The following SLC14A1 variants were observed in gnomAD, a reference collection of about 807,000 sequenced individuals.
SLC14A1 encodes the protein urea transporter 1.
A neutral mutation model predicts 39.6 loss-of-function variants in SLC14A1; 36 were observed. The observed-to-expected ratio is 0.91, with a 90% CI of 0.70 to 1.20. SLC14A1 has a LOEUF of 1.20. Among genes scored for constraint, SLC14A1 ranks in the 50% most tolerant of loss-of-function variants. SLC14A1 has a pLI of 0.00. For missense variants in SLC14A1, 469 were observed against 478.7 expected, an observed-to-expected ratio of 0.98 and a Z score of 0.19; for synonymous variants, 164 against 173.6, an observed-to-expected ratio of 0.94 and a Z score of 0.43.
rs1470752221 is a variant in SLC14A1, at chr18:45,751,353, A to C, written c.*1402A>C. 2.8e-5 allele frequency: 25 copies of C among 893,836 alleles called. No individual in the cohort carries two copies. The highest frequency in any genetic ancestry group is 1.2e-4 in the Admixed American group (1 of 8,326). The allele number at this position is 893,836 out of a possible 1,614,324, so 55.4% of individuals were successfully genotyped here. On this transcript the variant is annotated 3_prime_UTR_variant, in exon 10 of 10. Coordinates refer to ENST00000321925, the MANE Select transcript of SLC14A1 (RefSeq NM_015865.7). ...GAAACTGTGTCTCTCAAAAAAAAAAAAAAACAAACAAAAACAAAAACAAAA... is the reference window on the plus strand; with the variant it reads ...GAAACTGTGTCTCTCAAAAAAAAAACAAAACAAACAAAAACAAAAACAAAA...
rs2047290079 is a variant in SLC14A1, at chr18:45,739,364, G to T, written c.811+54G>T. 4 of 1,612,852 alleles carry T rather than the reference G, an allele frequency of 2.5e-6. No homozygotes were observed. The East Asian group carries it at 8.9e-5, about 36-fold the overall frequency. ...GAGCACCTCCTCCATCCCATGCATT[G>T]CCTCAGGCATCTTCTGTGCTCCAGA... On this transcript the variant is annotated intron_variant, in intron 7 of 9. Coordinates refer to ENST00000321925, the MANE Select transcript of SLC14A1 (RefSeq NM_015865.7).
intron 8 of SLC14A1, among the ~76,000 whole-genome samples, chr18:45,745,771 GC>G (rs1213857410): frequency 1.3e-5 from 2 of 152,132 alleles, no homozygotes; most frequent in Non-Finnish European, 2.9e-5. Flanking sequence ...GTGTGAGAGT[GC>G]CCACTGGGCC....
chr18:45,741,782 T>C (rs1245050113), intron 8 of SLC14A1, among the ~76,000 whole-genome samples: 1 of 151,904 alleles, frequency 6.6e-6, no homozygotes, highest in Non-Finnish European at 1.5e-5. Context: ...ACCTTTCAGC[T>C]TTATTCTGAG....
At chr18:45,739,466 TCA>T (rs1275041908) in intron 7 of SLC14A1, 60 bp from the exon 8 acceptor site, 9 of 1,611,486 alleles carry the variant, frequency 5.6e-6, no homozygotes, top group East Asian at 2.2e-5. Flanking sequence ...AATCCCACCC[TCA>T]GTTTCCTTCC....
Position 45,751,120 on chromosome 18 carries a change from G to C in SLC14A1, c.*1169G>C. 1 of 768,986 alleles carries C rather than the reference G, an allele frequency of 1.3e-6. No individual in the cohort carries two copies. Among genetic ancestry groups the C allele is most frequent in the Non-Finnish European group, 1.6e-6 (1 of 632,680 alleles). The allele number at this position is 768,986 out of a possible 1,614,324, so 47.6% of individuals were successfully genotyped here. A position where few individuals can be genotyped will look rare whatever the true frequency, so the allele number is the denominator to read the frequency against. ...TTTGGGGAGCCCAGGCGGGCAGATT[G>C]CTTGAACCCAGGAGTTCAAGACCAG... On this transcript the variant is annotated 3_prime_UTR_variant, in exon 10 of 10. Coordinates refer to ENST00000321925, the MANE Select transcript of SLC14A1 (RefSeq NM_015865.7).
At chr18:45,736,148 T>C (rs1231694627) in intron 5 of SLC14A1, among the ~76,000 whole-genome samples, 2 of 152,204 alleles carry the variant, frequency 1.3e-5, no homozygotes, top group South Asian at 2.1e-4. Flanking sequence ...ATGTAGATAA[T>C]ATTTTATTTT....
At chr18:45,742,171 G>A (rs2047394763) in intron 8 of SLC14A1, among the ~76,000 whole-genome samples, 1 of 152,024 alleles carries the variant, frequency 6.6e-6, no homozygotes, top group South Asian at 2.1e-4. Context: ...CAGGAAGAAG[G>A]GGGCTTTTCC....
At chr18:45,727,578 G>A (rs2046908456) in intron 2 of SLC14A1, among the ~76,000 whole-genome samples, 1 of 152,200 alleles carries the variant, frequency 6.6e-6, no homozygotes, top group Non-Finnish European at 1.5e-5. Context: ...CGCTCACCTT[G>A]GTTTAGAGGC....
rs1301971203 is a variant in SLC14A1 at position 45,751,298 on chromosome 18, C to T, written c.*1347C>T. On this transcript the variant is annotated 3_prime_UTR_variant, in exon 10 of 10. Coordinates refer to ENST00000321925, the MANE Select transcript of SLC14A1 (RefSeq NM_015865.7). ...GAGGCTGCAGTGAGCTAAGATTGCA[C>T]CACTGCACTCCAACCTGGGCGACAA... 3 of 765,562 alleles carry T rather than the reference C, an allele frequency of 3.9e-6. No individual in the cohort carries two copies. Among genetic ancestry groups the T allele is most frequent in the Non-Finnish European group, 4.7e-6 (3 of 633,792 alleles). The allele number at this position is 765,562 out of a possible 1,614,324, so 47.4% of individuals were successfully genotyped here.
At chr18:45,725,678 T>C (rs946667874) in intron 2 of SLC14A1, among the ~76,000 whole-genome samples, 3 of 152,212 alleles carry the variant, frequency 2.0e-5, no homozygotes, top group Non-Finnish European at 4.4e-5. Context: ...TTAATGTGCC[T>C]GGCCCAAGAC....
In SLC14A1 at chr18:45,752,098, T is replaced by C; in HGVS notation, c.*2147T>C. ...TGACCAAAGCCTTTGGAACTATGAA[T>C]TTGCAACTGTCATAGGTTTATGGAT... On this transcript the variant is annotated 3_prime_UTR_variant, in exon 10 of 10. Transcript: ENST00000321925. 1 of 985,470 alleles carries C rather than the reference T, an allele frequency of 1.0e-6. No individual in the cohort carries two copies. Among genetic ancestry groups the C allele is most frequent in the South Asian group, 4.7e-5 (1 of 21,290 alleles). The allele number at this position is 985,470 out of a possible 1,614,324, so 61.0% of individuals were successfully genotyped here.
intron 6 of SLC14A1, among the ~76,000 whole-genome samples, chr18:45,737,201 T>C (rs1208730938): frequency 6.6e-6 from 1 of 152,122 alleles, no homozygotes; most frequent in Admixed American, 6.5e-5. Flanking sequence ...TAAATCACAA[T>C]CTCTAAGGGT....
At chr18:45,744,938 T>C (rs1216079882) in intron 8 of SLC14A1, among the ~76,000 whole-genome samples, 1 of 152,164 alleles carries the variant, frequency 6.6e-6, no homozygotes, top group African/African-American at 2.4e-5. Context: ...GTTCTCCATT[T>C]CTGGTTCATT....
chr18:45,747,039 C>T (rs534395836), intron 8 of SLC14A1: 1 of 152,184 alleles, frequency 6.6e-6, no homozygotes, highest in Non-Finnish European at 1.5e-5. Context: ...GGTAAAAGGA[C>T]AGAAGTCTAT....
At chr18:45,727,588 C>A (rs28994275) in intron 2 of SLC14A1, among the ~76,000 whole-genome samples, 70 of 152,320 alleles carry the variant, frequency 4.6e-4, no homozygotes, top group African/African-American at 1.7e-3. Context: ...GGTTTAGAGG[C>A]TAGACCATTG....
intron 2 of SLC14A1, chr18:45,729,568 C>G (rs753850673): frequency 2.0e-5 from 3 of 152,184 alleles, no homozygotes; most frequent in Non-Finnish European, 4.4e-5. Flanking sequence ...TGGTTTTCAA[C>G]AGCTTTGTCC....
rs959261830 is a variant in SLC14A1, at chr18:45,730,992, C to T, written c.152-23C>T. 1.9e-6 allele frequency: 3 copies of T among 1,612,862 alleles called. No homozygotes were observed. The African/African-American group carries it at 4.0e-5, about 22-fold the overall frequency. On this transcript the variant is annotated intron_variant, in intron 3 of 9. Coordinates refer to ENST00000321925, the MANE Select transcript of SLC14A1 (RefSeq NM_015865.7). ...GTATCACTTGGCAGCTTCCTTAGCT[C>T]TGCTTTACCTCATCCCTTCCAGACA...
chr18:45,739,696 C>T (rs369928411), intron 8 of SLC14A1, 34 bp downstream of exon 8: 1 of 1,613,842 alleles, frequency 6.2e-7, no homozygotes, highest in Non-Finnish European at 8.5e-7. Context: ...GAGGGCTGCT[C>T]ATGACTACAG....
rs2047298205 is a variant in SLC14A1 at position 45,739,599 on chromosome 18, A to G, written c.883A>G (p.Ile295Val). The change falls in exon 8 of 10, where the codon ATT becomes GTT. Residue 295 changes from isoleucine to valine, a missense_variant. Ile to Val is a conservative substitution (Grantham distance 29, BLOSUM62 3). Transcript: ENST00000321925. ...LWGFNSSLAC[I>V]AMGGMFMALT... ...GGGTTTCAACAGCTCTCTGGCCTGC[A>G]TTGCAATGGGAGGAATGTTCATGGC... 6.2e-7 allele frequency: 1 copy of G among 1,614,092 alleles called. No homozygotes were observed. The highest frequency in any genetic ancestry group is 8.5e-7 in the Non-Finnish European group (1 of 1,180,006).
Sources: allele counts gnomAD v4.1 joint callset (sites outside exome capture counted in the v4.1 genomes callset), GRCh38; gene constraint gnomAD v4.1.1; transcripts MANE v1.5; gene names NCBI Gene and HGNC (gene_info 2026-07-23, HGNC 2026-07-21).